The following ST6GALNAC3 variants were observed in gnomAD, a reference collection of about 807,000 sequenced individuals.
ST6GALNAC3 encodes the protein alpha-N-acetylgalactosaminide alpha-2,6-sialyltransferase 3.
Under a neutral mutation model 32.7 loss-of-function variants are expected in ST6GALNAC3, and 25 were observed. The ratio of observed to expected loss-of-function variants is 0.76; its 90% CI spans 0.56 to 1.07. The LOEUF is 1.07. Ranked by LOEUF, ST6GALNAC3 falls within the 50% of genes least tolerant of loss-of-function variation. ST6GALNAC3 has a pLI of 0.00. For missense variants in ST6GALNAC3, 355 were observed against 382.4 expected (o/e 0.93, Z 0.60); for synonymous variants, 129 against 133.1 (o/e 0.97, Z 0.21).
intron 2 of ST6GALNAC3, among the ~76,000 whole-genome samples, chr1:76,385,256 C>G (rs973273808): frequency 6.6e-5 from 10 of 152,046 alleles, no homozygotes; most frequent in African/African-American, 2.4e-4. Context: ...GACTTCTTTC[C>G]TCCAAAAAAC....
chr1:76,446,438 A>G (rs1242395151), intron 3 of ST6GALNAC3, among the ~76,000 whole-genome samples: 4 of 152,144 alleles, frequency 2.6e-5, no homozygotes, highest in Admixed American at 2.0e-4. Flanking sequence ...ATATTATAGC[A>G]TCATAAAGAG....
At chr1:76,370,526 C>G (rs1279930573) in intron 2 of ST6GALNAC3, among the ~76,000 whole-genome samples, 1 of 152,080 alleles carries the variant, frequency 6.6e-6, no homozygotes, top group Non-Finnish European at 1.5e-5. Flanking sequence ...TTCATAAACT[C>G]ATAGGCATTA....
chr1:76,563,186 C>T (rs961242246), intron 3 of ST6GALNAC3, among the ~76,000 whole-genome samples: 12 of 152,208 alleles, frequency 7.9e-5, no homozygotes, highest in Admixed American at 1.3e-4. Flanking sequence ...AATGGGAAAT[C>T]AATCAGTTTT....
intron 3 of ST6GALNAC3, among the ~76,000 whole-genome samples, chr1:76,416,034 AACACAC>A (rs60710007): frequency 0.058 from 8,348 of 144,008 alleles, 503 homozygotes; most frequent in African/African-American, 0.15. Flanking sequence ...TTTATTCCAC[AACACAC>A]ACACACACAC....
intron 1 of ST6GALNAC3, among the ~76,000 whole-genome samples, chr1:76,141,615 T>C (rs1341334439): frequency 6.6e-6 from 1 of 152,210 alleles, no homozygotes; most frequent in Non-Finnish European, 1.5e-5. Flanking sequence ...AAAAAGCATG[T>C]ACAGATGGAT....
Position 76,112,603 on chromosome 1 carries a change from G to A in ST6GALNAC3, c.18+37719G>A, listed in dbSNP as rs950037492. Among the ~76,000 whole-genome samples, 27 of 150,594 alleles carry A rather than the reference G, an allele frequency of 1.8e-4. 1 individual carries two copies. The highest frequency in any genetic ancestry group is 3.0e-5 in the Non-Finnish European group (2 of 67,692). On this transcript the variant is annotated intron_variant, in intron 1 of 4. Coordinates refer to ENST00000328299, the MANE Select transcript of ST6GALNAC3 (RefSeq NM_152996.4). Reference sequence around the variant, plus strand: ...AGACGGTGTGGCTGCCGCGCGGAGGGGCTCCTCACTTCTCAGACGGGGCGG... The same window carrying A: ...AGACGGTGTGGCTGCCGCGCGGAGGAGCTCCTCACTTCTCAGACGGGGCGG...
intron 3 of ST6GALNAC3, among the ~76,000 whole-genome samples, chr1:76,607,369 C>T (rs1333950018): frequency 6.6e-6 from 1 of 152,100 alleles, no homozygotes; most frequent in Non-Finnish European, 1.5e-5. Flanking sequence ...TGGTTGAGCT[C>T]AATCTTGAGC....
At chr1:76,395,592 C>T (rs971564554) in intron 2 of ST6GALNAC3, among the ~76,000 whole-genome samples, 12 of 151,736 alleles carry the variant, frequency 7.9e-5, no homozygotes, top group African/African-American at 2.9e-4. Context: ...CACACACAGA[C>T]ACACACGCAC....
At chr1:76,394,181 A>G (rs1652771355) in intron 2 of ST6GALNAC3, among the ~76,000 whole-genome samples, 2 of 152,214 alleles carry the variant, frequency 1.3e-5, no homozygotes, top group African/African-American at 4.8e-5. Flanking sequence ...AAATCTATGC[A>G]GAAGCATATA....
chr1:76,478,036 G>T (rs1659468418), intron 3 of ST6GALNAC3, among the ~76,000 whole-genome samples: 1 of 152,186 alleles, frequency 6.6e-6, no homozygotes, highest in African/African-American at 2.4e-5. Context: ...AAGGACTGGT[G>T]AGAAGGGAGC....
At chr1:76,289,749 A>G (rs1365996010) in intron 1 of ST6GALNAC3, among the ~76,000 whole-genome samples, 3 of 152,232 alleles carry the variant, frequency 2.0e-5, no homozygotes, top group Non-Finnish European at 4.4e-5. Flanking sequence ...GGTTTAATCA[A>G]CAGGCTTTTT....
rs1455368804 is a variant in ST6GALNAC3, at chr1:76,494,466, TATAC to T, written c.623+82051_623+82054del. ...ATATATATATATATATATATATATA[TATAC>T]ACACACACACACACACTTTCCCTAC... On this transcript the variant is annotated intron_variant, in intron 3 of 4. Coordinates refer to ENST00000328299, the MANE Select transcript of ST6GALNAC3 (RefSeq NM_152996.4). 1.6e-3 allele frequency among the ~76,000 whole-genome samples: 80 copies of T among 50,732 alleles called. 1 individual carries two copies. Among genetic ancestry groups the T allele is most frequent in the African/African-American group, 5.0e-3 (73 of 14,734 alleles). The allele number at this position is 50,732 out of a possible 152,430, so 33.3% of individuals were successfully genotyped here.
chr1:76,251,829 G>C (rs1657634602), intron 1 of ST6GALNAC3, among the ~76,000 whole-genome samples: 1 of 151,814 alleles, frequency 6.6e-6, no homozygotes, highest in Non-Finnish European at 1.5e-5. Flanking sequence ...AAACCGTTCT[G>C]CTCCTAGATA....
chr1:76,442,729 G>T (rs1656701911), intron 3 of ST6GALNAC3, among the ~76,000 whole-genome samples: 1 of 152,142 alleles, frequency 6.6e-6, no homozygotes, highest in Non-Finnish European at 1.5e-5. Flanking sequence ...GGCTTAGTGG[G>T]CACCTTGGCA....
At chr1:76,313,690 A>T (rs777498871) in intron 1 of ST6GALNAC3, 115 bp from the exon 2 acceptor site, 19 of 1,093,666 alleles carry the variant, frequency 1.7e-5, no homozygotes, top group Non-Finnish European at 2.6e-5. Flanking sequence ...ATGCTGAATG[A>T]CAGAATCCTT....
chr1:76,086,084 G>A (rs751607527), intron 1 of ST6GALNAC3, among the ~76,000 whole-genome samples: 1 of 152,162 alleles, frequency 6.6e-6, no homozygotes, highest in Non-Finnish European at 1.5e-5. Context: ...GGAAAAATCA[G>A]TTTGTGATTA....
At chr1:76,109,710 C>A (rs1453876971) in intron 1 of ST6GALNAC3, among the ~76,000 whole-genome samples, 1 of 152,232 alleles carries the variant, frequency 6.6e-6, no homozygotes, top group African/African-American at 2.4e-5. Flanking sequence ...CAGGGCACCA[C>A]ACAAGAGCTC....
chr1:76,246,993 G>A (rs1657298586), intron 1 of ST6GALNAC3, among the ~76,000 whole-genome samples: 1 of 152,136 alleles, frequency 6.6e-6, no homozygotes, highest in Admixed American at 6.6e-5. Flanking sequence ...TTTTTGTGTG[G>A]GGGTCTTTTT....
At chr1:76,274,248 C>G (rs1290039259) in intron 1 of ST6GALNAC3, among the ~76,000 whole-genome samples, 1 of 152,148 alleles carries the variant, frequency 6.6e-6, no homozygotes, top group Non-Finnish European at 1.5e-5. Context: ...TCCTATTAGT[C>G]TCTGAACCTT....
Sources: gnomAD v4.1 joint callset for allele counts (sites outside exome capture counted in the v4.1 genomes callset) on GRCh38, gnomAD v4.1.1 for gene constraint, MANE v1.5 for transcripts, NCBI Gene and HGNC (gene_info 2026-07-23, HGNC 2026-07-21) for gene names.